Variants in MYO5B observed in about 807,000 individuals in gnomAD.
MYO5B encodes the protein myosin VB, also known as unconventional myosin-Vb.
In MYO5B, 143 loss-of-function variants were observed where a neutral mutation model predicts 229.3. That is an observed-to-expected ratio of 0.62 (90% CI 0.54 to 0.72). MYO5B has a LOEUF of 0.72. Among genes scored for constraint, MYO5B ranks in the 30% least tolerant of loss-of-function variants. The probability of loss-of-function intolerance (pLI) is 0.00; values close to 1 mark genes in which losing one functional copy is unlikely to be tolerated. For missense variants in MYO5B, 2,321 were observed against 2,331.0 expected (o/e 1.00, Z 0.09); for synonymous variants, 918 against 885.2 (o/e 1.04, Z -0.66).
rs562503241 is a variant in MYO5B, at chr18:49,901,218, G to A, written c.2811+1376C>T. Among the ~76,000 whole-genome samples the A allele has an allele frequency of 2.0e-5, 3 of 152,296 alleles. No individual in the cohort carries two copies. The South Asian group carries it at 6.2e-4, about 32-fold the overall frequency. On this transcript the variant is annotated intron_variant, in intron 21 of 39. Transcript: ENST00000285039. The stretch of plus-strand genomic sequence containing the variant: ...TCACAGCCATCCTCTGTCCAGCAAG[G>A]CCAGCAAAGCACCTGAAACAGCCAG...
Position 50,055,252 on chromosome 18 carries a change from C to CCCCCCCCCACA in MYO5B, c.138+15_138+16insTGTGGGGGGGG. 7.0e-7 allele frequency: 1 copy of CCCCCCCCCACA among 1,437,318 alleles called. No homozygotes were observed. Among genetic ancestry groups the CCCCCCCCCACA allele is most frequent in the Non-Finnish European group, 9.8e-7 (1 of 1,023,146 alleles). The allele number at this position is 1,437,318 out of a possible 1,614,324, so 89.0% of individuals were successfully genotyped here. On this transcript the variant is annotated intron_variant, in intron 2 of 39. Coordinates refer to ENST00000285039, the MANE Select transcript of MYO5B (RefSeq NM_001080467.3). ...CCCACCTCACCCCCGCCCCCCTGCCCCGGACTCACTCTTACCGTTTCATCC... is the reference window on the plus strand; with the variant it reads ...CCCACCTCACCCCCGCCCCCCTGCCCCCCCCCCCACACGGACTCACTCTTACCGTTTCATCC...
Position 49,949,448 on chromosome 18 carries a change from CG to C in MYO5B, c.1752+3811del, listed in dbSNP as rs371153426. The stretch of plus-strand genomic sequence containing the variant: ...TTACTTAAGTCTCTATTTACAGCTC[CG>C]ATAGCTGAGAAAGCAATTAGCTACA... On this transcript the variant is annotated intron_variant, in intron 14 of 39. Transcript: ENST00000285039. Among the ~76,000 whole-genome samples the C allele has an allele frequency of 3.9e-3, 586 of 152,204 alleles. 5 individuals carry two copies. The highest frequency in any genetic ancestry group is 6.7e-3 in the Non-Finnish European group (458 of 68,010).
intron 13 of MYO5B, 98 bp downstream of exon 13, chr18:49,954,215 A>C: frequency 6.4e-7 from 1 of 1,560,388 alleles, no homozygotes; most frequent in African/African-American, 1.4e-5. Context: ...AGGCCATTTG[A>C]ATTCAGAAGG....
intron 1 of MYO5B, among the ~76,000 whole-genome samples, chr18:50,159,114 A>C (rs1001160171): frequency 6.6e-6 from 1 of 152,142 alleles, no homozygotes; most frequent in African/African-American, 2.4e-5. Context: ...GTTTGTCCAG[A>C]GCTGTCAATC....
intron 1 of MYO5B, among the ~76,000 whole-genome samples, chr18:50,120,995 G>A (rs762850212): frequency 4.6e-5 from 7 of 152,174 alleles, no homozygotes; most frequent in African/African-American, 9.7e-5. Context: ...GAGTCAGCAA[G>A]ACCAGCAACT....
intron 12 of MYO5B, among the ~76,000 whole-genome samples, chr18:49,954,701 G>A (rs1464064211): frequency 6.6e-6 from 1 of 152,184 alleles, no homozygotes; most frequent in Admixed American, 6.5e-5. Flanking sequence ...GGAAGTGCTA[G>A]GGAGGATGAG....
chr18:50,126,462 C>A (rs1055302290), intron 1 of MYO5B: 3 of 154,836 alleles, frequency 1.9e-5, no homozygotes, highest in Non-Finnish European at 2.9e-5. Context: ...GCTAAGAGGG[C>A]AAATCACAGG....
At chr18:49,874,738 G>A (rs555196173) in intron 26 of MYO5B, among the ~76,000 whole-genome samples, 173 of 152,218 alleles carry the variant, frequency 1.1e-3, no homozygotes, top group African/African-American at 4.0e-3. Flanking sequence ...CATACCAAAG[G>A]CCTTTTTCAA....
At chr18:49,843,099 A>T in intron 34 of MYO5B, 142 bp downstream of exon 34, 2 of 1,082,164 alleles carry the variant, frequency 1.8e-6, no homozygotes, top group Non-Finnish European at 2.8e-6. Flanking sequence ...GGTTATATGG[A>T]TGCTTCTGTG....
At chr18:49,884,769 T>C (rs1201437968) in intron 22 of MYO5B, among the ~76,000 whole-genome samples, 2 of 152,152 alleles carry the variant, frequency 1.3e-5, no homozygotes, top group Admixed American at 6.5e-5. Flanking sequence ...AGCATGAGTA[T>C]ATAAAAATCA....
chr18:49,862,066 C>CG (rs1166520935), intron 29 of MYO5B, among the ~76,000 whole-genome samples: 2 of 146,778 alleles, frequency 1.4e-5, no homozygotes, highest in Non-Finnish European at 3.0e-5. Context: ...GGCATGATCT[C>CG]GGCTCATTGC....
intron 1 of MYO5B, among the ~76,000 whole-genome samples, chr18:50,092,609 G>T (rs547556631): frequency 3.8e-4 from 58 of 152,276 alleles, no homozygotes; most frequent in African/African-American, 1.3e-3. Context: ...GGGGGTTCCT[G>T]GAAGAGGTTG....
At chr18:50,102,011 A>G (rs1486344407) in intron 1 of MYO5B, among the ~76,000 whole-genome samples, 1 of 152,222 alleles carries the variant, frequency 6.6e-6, no homozygotes, top group African/African-American at 2.4e-5. Flanking sequence ...GACTGGATTT[A>G]AAAAGTGTGG....
chr18:50,155,660 G>C (rs1473278253), intron 1 of MYO5B, among the ~76,000 whole-genome samples: 1 of 152,178 alleles, frequency 6.6e-6, no homozygotes, highest in African/African-American at 2.4e-5. Flanking sequence ...CTCTACCAGA[G>C]TAGATGCAAA....
intron 9 of MYO5B, among the ~76,000 whole-genome samples, chr18:49,978,682 G>C (rs945183601): frequency 2.1e-5 from 3 of 143,850 alleles, no homozygotes; most frequent in African/African-American, 7.9e-5. Context: ...GAGAAAGGTA[G>C]GCAGCAAGTA....
intron 10 of MYO5B, among the ~76,000 whole-genome samples, chr18:49,968,646 T>C (rs924546570): frequency 2.6e-4 from 39 of 152,172 alleles, no homozygotes; most frequent in Non-Finnish European, 4.6e-4. Context: ...ACAATAAAAC[T>C]TGTTTAATCT....
At chr18:49,921,124 A>C (rs972289042) in intron 17 of MYO5B, among the ~76,000 whole-genome samples, 3 of 152,146 alleles carry the variant, frequency 2.0e-5, no homozygotes, top group African/African-American at 7.2e-5. Flanking sequence ...TTAGTTCTCC[A>C]ATCTTATGCT....
At chr18:50,139,023 T>C (rs1053347120) in intron 1 of MYO5B, among the ~76,000 whole-genome samples, 1 of 152,212 alleles carries the variant, frequency 6.6e-6, no homozygotes, top group Non-Finnish European at 1.5e-5. Flanking sequence ...AGTTAACCCA[T>C]GCCAGTTACC....
At chr18:50,063,542 C>T (rs544936500) in intron 1 of MYO5B, among the ~76,000 whole-genome samples, 1 of 152,094 alleles carries the variant, frequency 6.6e-6, no homozygotes. Flanking sequence ...CAGACGGGGA[C>T]AGCAGAGAGC....
Sources: allele counts gnomAD v4.1 joint callset (sites outside exome capture counted in the v4.1 genomes callset), GRCh38; gene constraint gnomAD v4.1.1; transcripts MANE v1.5; gene names NCBI Gene and HGNC (gene_info 2026-07-23, HGNC 2026-07-21).